Variants in GTF2E2 observed in about 807,000 individuals in gnomAD.
GTF2E2 encodes the protein transcription initiation factor IIE subunit beta.
A neutral mutation model predicts 40.5 loss-of-function variants in GTF2E2; 21 were observed. That is an observed-to-expected ratio of 0.52 (90% CI 0.37 to 0.75). The LOEUF (loss-of-function observed/expected upper bound fraction) is 0.75, where lower values mean the gene tolerates loss of function less well. GTF2E2 is among the 30% of genes least tolerant of loss of function. GTF2E2 has a pLI of 0.00. For synonymous variants in GTF2E2, 117 were observed against 121.6 expected, an observed-to-expected ratio of 0.96 and a Z score of 0.25; for missense variants, 298 against 338.4, an observed-to-expected ratio of 0.88 and a Z score of 0.94.
chr8:30,618,167 C>G (rs1478099916), intron 3 of GTF2E2, among the ~76,000 whole-genome samples: 1 of 151,674 alleles, frequency 6.6e-6, no homozygotes, highest in African/African-American at 2.4e-5. Context: ...CATGGTGGCA[C>G]ATGCCCGTAA....
intron 6 of GTF2E2, among the ~76,000 whole-genome samples, chr8:30,601,671 G>A (rs577206426): frequency 6.6e-6 from 1 of 152,326 alleles, no homozygotes; most frequent in South Asian, 2.1e-4. Flanking sequence ...AATAAGCTGA[G>A]CCTACAAACC....
intron 3 of GTF2E2, among the ~76,000 whole-genome samples, chr8:30,633,690 C>G (rs1245784982): frequency 6.6e-6 from 1 of 152,164 alleles, no homozygotes; most frequent in African/African-American, 2.4e-5. Flanking sequence ...CAGTGTCCCT[C>G]AACAGAGTGA....
intron 6 of GTF2E2, among the ~76,000 whole-genome samples, chr8:30,585,646 T>G (rs901918903): frequency 3.9e-5 from 6 of 151,960 alleles, no homozygotes; most frequent in African/African-American, 9.7e-5. Flanking sequence ...GTGTAAAATT[T>G]TAAAGAAATA....
chr8:30,579,222 TC>T (rs1271926569), intron 7 of GTF2E2, among the ~76,000 whole-genome samples, 185 bp from the exon 8 acceptor site: 2 of 151,770 alleles, frequency 1.3e-5, no homozygotes, highest in African/African-American at 2.4e-5. Context: ...GGGCCTTTGT[TC>T]CCCTGAGATG....
chr8:30,620,869 C>CAA (rs1397508111), intron 3 of GTF2E2, among the ~76,000 whole-genome samples: 3 of 150,592 alleles, frequency 2.0e-5, no homozygotes, highest in African/African-American at 7.4e-5. Flanking sequence ...ACGGAGGTTG[C>CAA]AATGAGCCAA....
In GTF2E2 at chr8:30,612,333, T is replaced by C; in HGVS notation, c.515A>G (p.Glu172Gly). 4 of 1,612,744 alleles carry C rather than the reference T, an allele frequency of 2.5e-6. No homozygotes were observed. Among genetic ancestry groups the C allele is most frequent in the Non-Finnish European group, 3.4e-6 (4 of 1,178,834 alleles). Residue 172 changes from glutamate (E) to glycine (G), a missense_variant, in exon 5 of 8, where the codon GAA (glutamate) becomes GGA (glycine). By Grantham distance (98) the Glu-to-Gly change is moderately conservative (BLOSUM62 -2). Transcript: ENST00000355904. Reference sequence around the variant, plus strand: ...TTTCTGGGAATTGGGCAGTGCTTCTTCTATGTCTTCTAAAAGAATTCCTCC... The same window carrying C: ...TTTCTGGGAATTGGGCAGTGCTTCTCCTATGTCTTCTAAAAGAATTCCTCC... Reference protein sequence around the residue: ...GLGGILLEDIEEALPNSQKAV... With the variant: ...GLGGILLEDIGEALPNSQKAV...
chr8:30,628,659 T>C (rs1043441284), intron 3 of GTF2E2, among the ~76,000 whole-genome samples: 1 of 152,208 alleles, frequency 6.6e-6, no homozygotes, highest in Non-Finnish European at 1.5e-5. Flanking sequence ...AGGCTGGGCA[T>C]GTTGGCTCAC....
At chr8:30,584,099 C>A (rs549570382) in intron 6 of GTF2E2, among the ~76,000 whole-genome samples, 2 of 152,292 alleles carry the variant, frequency 1.3e-5, no homozygotes, top group South Asian at 4.1e-4. Flanking sequence ...AGCCACCGTG[C>A]CCAGCCGACG....
chr8:30,607,995 T>C (rs1829371481), intron 5 of GTF2E2, among the ~76,000 whole-genome samples: 1 of 152,220 alleles, frequency 6.6e-6, no homozygotes, highest in Non-Finnish European at 1.5e-5. Flanking sequence ...TTTCAAGAGA[T>C]ATAAAAGATT....
intron 2 of GTF2E2, among the ~76,000 whole-genome samples, chr8:30,648,783 G>A (rs1486623633): frequency 2.0e-5 from 3 of 152,196 alleles, no homozygotes; most frequent in Non-Finnish European, 4.4e-5. Context: ...ACCAATCCAT[G>A]ATAAACATGT....
intron 3 of GTF2E2, among the ~76,000 whole-genome samples, chr8:30,628,225 G>C (rs941453819): frequency 1.3e-5 from 2 of 152,162 alleles, no homozygotes; most frequent in Non-Finnish European, 2.9e-5. Context: ...TGCCTACTTT[G>C]ATCAGGTGAG....
chr8:30,628,068 A>T lies in GTF2E2; in HGVS notation c.258+6964T>A, dbSNP rs1190743931. Among the ~76,000 whole-genome samples the T allele has an allele frequency of 2.0e-5, 3 of 152,270 alleles. No homozygotes were observed. In the East Asian group the frequency reaches 5.8e-4, roughly 29 times the overall value. On this transcript the variant is annotated intron_variant, in intron 3 of 7. Transcript: ENST00000355904. ...GGGCTTGAAAGTGAGGAAGGATACC[A>T]GCAACTCTGAAGCATTCTCGAAAAC...
intron 5 of GTF2E2, among the ~76,000 whole-genome samples, chr8:30,611,128 G>C (rs1829463688): frequency 6.6e-6 from 1 of 152,166 alleles, no homozygotes; most frequent in Non-Finnish European, 1.5e-5. Context: ...GCTAAGGCTA[G>C]AAGAACAGAA....
chr8:30,642,390 T>C (rs1434019564), intron 2 of GTF2E2, among the ~76,000 whole-genome samples: 4 of 152,044 alleles, frequency 2.6e-5, no homozygotes, highest in Admixed American at 2.0e-4. Flanking sequence ...CTAATCCATA[T>C]TGTTGGCTAA....
intron 6 of GTF2E2, among the ~76,000 whole-genome samples, chr8:30,600,126 C>G (rs898799941): frequency 3.3e-5 from 5 of 152,076 alleles, no homozygotes; most frequent in Non-Finnish European, 5.9e-5. Flanking sequence ...AAGTTGCCAG[C>G]AATGAGGAAA....
At chr8:30,652,870 C>T (rs138296825) in intron 2 of GTF2E2, among the ~76,000 whole-genome samples, 1 of 152,166 alleles carries the variant, frequency 6.6e-6, no homozygotes, top group African/African-American at 2.4e-5. Flanking sequence ...CTATGGAATA[C>T]GCTTTACCAA....
intron 2 of GTF2E2, among the ~76,000 whole-genome samples, chr8:30,642,753 C>A (rs1801894686): frequency 6.6e-6 from 1 of 152,182 alleles, no homozygotes; most frequent in African/African-American, 2.4e-5. Context: ...AACTCAGTTA[C>A]CTATGATTCA....
At chr8:30,640,078 T>G (rs1021839798) in intron 2 of GTF2E2, among the ~76,000 whole-genome samples, 1 of 152,192 alleles carries the variant, frequency 6.6e-6, no homozygotes, top group South Asian at 2.1e-4. Flanking sequence ...ATCATCAGCC[T>G]GCATTTTGCT....
intron 2 of GTF2E2, among the ~76,000 whole-genome samples, chr8:30,652,735 G>T (rs1371505098): frequency 6.6e-6 from 1 of 152,076 alleles, no homozygotes; most frequent in African/African-American, 2.4e-5. Context: ...AAAAAGATAT[G>T]TCTACACAAA....
Sources: gnomAD v4.1 joint callset for allele counts (sites outside exome capture counted in the v4.1 genomes callset) on GRCh38, gnomAD v4.1.1 for gene constraint, MANE v1.5 for transcripts, NCBI Gene and HGNC (gene_info 2026-07-23, HGNC 2026-07-21) for gene names.